ENOSF1: variants seen among roughly 807,000 people sequenced by gnomAD.
ENOSF1 encodes the protein mitochondrial enolase superfamily member 1.
Under a neutral mutation model 68.2 loss-of-function variants are expected in ENOSF1, and 73 were observed. The observed-to-expected ratio is 1.07, with a 90% CI of 0.89 to 1.30. ENOSF1 has a LOEUF of 1.30. Among genes scored for constraint, ENOSF1 ranks in the 50% most tolerant of loss-of-function variants. The probability of loss-of-function intolerance (pLI) is 0.00; values close to 1 mark genes in which losing one functional copy is unlikely to be tolerated. For missense variants in ENOSF1, 589 were observed against 554.5 expected, an observed-to-expected ratio of 1.06 and a Z score of -0.62; for synonymous variants, 223 against 210.4, an observed-to-expected ratio of 1.06 and a Z score of -0.52.
At chr18:667,071 TGATGGA>T (rs1272529476), downstream of ENOSF1, among the ~76,000 whole-genome samples, 33 of 49,700 alleles carry the variant, frequency 6.6e-4, 6 homozygotes, top group South Asian at 2.8e-3. Flanking sequence ...ATGGTGATGG[TGATGGA>T]GATGGTGATG....
rs779625632 is a variant in ENOSF1, at chr18:712,613, C to T, written c.-26G>A. On this transcript the variant is annotated 5_prime_UTR_variant, in exon 1 of 16. Coordinates refer to ENST00000647584, the MANE Select transcript of ENOSF1 (RefSeq NM_017512.7). ...GGCCCCTGCGCCCCGTGGCCGCGGC[C>T]CCCGTGCGGTCAGGACTGGTCGGGA... 1.0e-5 allele frequency: 16 copies of T among 1,528,038 alleles called. No individual in the cohort carries two copies. Among genetic ancestry groups the T allele is most frequent in the Middle Eastern group, 2.2e-4 (1 of 4,566 alleles). 94.7% of individuals were successfully genotyped at this position (1,528,038 alleles called of 1,614,324 possible). A position where few individuals can be genotyped will look rare whatever the true frequency, so the allele number is the denominator to read the frequency against.
At chr18:710,897 T>A (rs1047653018) in intron 1 of ENOSF1, among the ~76,000 whole-genome samples, 7 of 152,230 alleles carry the variant, frequency 4.6e-5, no homozygotes, top group Admixed American at 3.9e-4. Flanking sequence ...ACATTTATTT[T>A]GAGTTCCATA....
Position 694,306 on chromosome 18 carries a change from A to C in ENOSF1, c.338T>G (p.Leu113Arg). 1 of 1,614,198 alleles carries C rather than the reference A, an allele frequency of 6.2e-7. No homozygotes were observed. The highest frequency in any genetic ancestry group is 8.5e-7 in the Non-Finnish European group (1 of 1,180,050). ...CGCGTTTAGGACGGCCGCTGTCGCC[A>C]GGTGCACCACGCCCTTTTCTGGACC... The part of the protein sequence containing the change: ...WIGPEKGVVH[L>R]ATAAVLNAVW... The change falls in exon 4 of 16, where the codon CTG becomes CGG. Residue 113 changes from leucine (L) to arginine (R), a missense_variant. Leu to Arg is a moderately radical substitution (Grantham distance 102). Coordinates refer to ENST00000647584, the MANE Select transcript of ENOSF1 (RefSeq NM_017512.7).
At chr18:708,831 C>T (rs139109164) in intron 1 of ENOSF1, among the ~76,000 whole-genome samples, 130 of 152,142 alleles carry the variant, frequency 8.5e-4, no homozygotes, top group Middle Eastern at 3.4e-3. Context: ...TTGGTGCCCA[C>T]CTGGGTTGGC....
rs565099702 is a variant in ENOSF1 at position 672,801 on chromosome 18, G to A, written c.*1504C>T. The A allele has an allele frequency of 5.7e-5, 86 of 1,507,190 alleles. No individual in the cohort carries two copies. Among genetic ancestry groups the A allele is most frequent in the Admixed American group, 1.7e-4 (9 of 54,132 alleles). 93.4% of individuals were successfully genotyped at this position (1,507,190 alleles called of 1,614,324 possible). A position where few individuals can be genotyped will look rare whatever the true frequency, so the allele number is the denominator to read the frequency against. On this transcript the variant is annotated 3_prime_UTR_variant, in exon 16 of 16. Transcript: ENST00000647584. ...CTGTGTACTTGTTTCACGGACATGA[G>A]GAGCAATTACAACAGGTCGTACAAT... is the stretch of plus-strand genomic sequence containing the variant.
intron 13 of ENOSF1, 108 bp from the exon 14 acceptor site, chr18:677,552 A>AT: frequency 4.9e-6 from 6 of 1,230,490 alleles, no homozygotes; most frequent in Non-Finnish European, 6.8e-6. Context: ...TAAATCATTT[A>AT]TTAATATTTA....
intron 3 of ENOSF1, among the ~76,000 whole-genome samples, chr18:696,837 A>C (rs925272833): frequency 2.6e-5 from 4 of 152,032 alleles, no homozygotes; most frequent in African/African-American, 7.2e-5. Flanking sequence ...CATCTCTAGG[A>C]TGGGCATGGT....
chr18:691,552 G>C, intron 5 of ENOSF1: 3 of 317,098 alleles, frequency 9.5e-6, no homozygotes, highest in Middle Eastern at 9.6e-4. Context: ...TCACTATGTT[G>C]ACCAGGTTGA....
chr18:673,702 A>T lies in ENOSF1; in HGVS notation c.*603T>A. The stretch of plus-strand genomic sequence containing the variant: ...TATCCTCAAAATATAATGACCATTT[A>T]GGATAGAGTTTTTTTTTTTTTTTTT... On this transcript the variant is annotated 3_prime_UTR_variant, in exon 16 of 16. Transcript: ENST00000647584. The T allele has an allele frequency of 6.8e-6, 1 of 146,790 alleles. No individual in the cohort carries two copies. The highest frequency in any genetic ancestry group is 2.8e-5 in the African/African-American group (1 of 35,088). The allele number at this position is 146,790 out of a possible 1,614,324, so 9.1% of individuals were successfully genotyped here. A position where few individuals can be genotyped will look rare whatever the true frequency, so the allele number is the denominator to read the frequency against.
At chr18:699,440 T>C (rs989795873) in intron 2 of ENOSF1, among the ~76,000 whole-genome samples, 7 of 151,982 alleles carry the variant, frequency 4.6e-5, no homozygotes, top group Admixed American at 3.3e-4. Context: ...ATTGTGCCAC[T>C]GCACTCCAGC....
chr18:680,801 C>G (rs2076004309), intron 11 of ENOSF1, among the ~76,000 whole-genome samples: 2 of 151,656 alleles, frequency 1.3e-5, no homozygotes, highest in South Asian at 4.2e-4. Context: ...CTGCCTCAGC[C>G]TCCTGAGTAG....
intron 1 of ENOSF1, among the ~76,000 whole-genome samples, chr18:709,782 A>T (rs1300596561): frequency 6.6e-6 from 1 of 151,842 alleles, no homozygotes. Context: ...AAAAAAAAGC[A>T]GGAGTCTTTA....
intron 2 of ENOSF1, among the ~76,000 whole-genome samples, chr18:702,902 C>T (rs949234679): frequency 2.0e-5 from 3 of 152,194 alleles, no homozygotes; most frequent in Non-Finnish European, 2.9e-5. Context: ...CTCTGTCTCA[C>T]ACACAAGCAC....
At chr18:692,937 T>C in intron 5 of ENOSF1, 1 of 1,174,778 alleles carries the variant, frequency 8.5e-7, no homozygotes, top group Non-Finnish European at 1.1e-6. Flanking sequence ...TCTTTGTTTT[T>C]CCTTAATTTT....
At chr18:693,591 T>C (rs981278693) in intron 5 of ENOSF1, 10 of 985,274 alleles carry the variant, frequency 1.0e-5, no homozygotes, top group African/African-American at 8.7e-5. Context: ...CCTCTTGTCA[T>C]AGTCAGGCAA....
intron 1 of ENOSF1, 166 bp downstream of exon 1, chr18:712,338 C>A (rs1020517766): frequency 1.3e-6 from 2 of 1,534,440 alleles, no homozygotes. Flanking sequence ...CGGGAGGGAC[C>A]CGGGCCGCAA....
At chr18:693,138 G>A in intron 5 of ENOSF1, 1 of 1,288,992 alleles carries the variant, frequency 7.8e-7, no homozygotes, top group African/African-American at 1.5e-5. Flanking sequence ...CCTTTAATTT[G>A]CCCAGTTTTT....
chr18:692,649 A>G, intron 5 of ENOSF1: 1 of 925,660 alleles, frequency 1.1e-6, no homozygotes, highest in Non-Finnish European at 1.3e-6. Context: ...GAGTACTGGC[A>G]TTGAAAGGGA....
chr18:671,145 G>A lies in ENOSF1; in HGVS notation c.*3160C>T, dbSNP rs1221271668. 2 of 613,314 alleles carry A rather than the reference G, an allele frequency of 3.3e-6. No individual in the cohort carries two copies. The highest frequency in any genetic ancestry group is 1.9e-5 in the African/African-American group (1 of 54,038). 38.0% of individuals were successfully genotyped at this position (613,314 alleles called of 1,614,324 possible). On this transcript the variant is annotated 3_prime_UTR_variant, in exon 16 of 16. Coordinates refer to ENST00000647584, the MANE Select transcript of ENOSF1 (RefSeq NM_017512.7). The stretch of plus-strand genomic sequence containing the variant: ...GCTGAGGTTGGGTATGGTGGCTCAT[G>A]CCTGTAATCCCAGCACTTTGGGAGA...
Sources: allele counts gnomAD v4.1 joint callset (sites outside exome capture counted in the v4.1 genomes callset), GRCh38; gene constraint gnomAD v4.1.1; transcripts MANE v1.5; gene names NCBI Gene and HGNC (gene_info 2026-07-23, HGNC 2026-07-21).